Variants in DERL1 observed in about 807,000 individuals in gnomAD.
DERL1 encodes derlin-1.
Under a neutral mutation model 41.6 loss-of-function variants are expected in DERL1, and 24 were observed. That is an observed-to-expected ratio of 0.58 (90% CI 0.42 to 0.81). The LOEUF (loss-of-function observed/expected upper bound fraction) is 0.81. Among genes scored for constraint, DERL1 ranks in the 30% least tolerant of loss-of-function variants. The pLI, the probability that DERL1 is intolerant of heterozygous loss-of-function variation, is 0.00. For missense variants in DERL1, 260 were observed against 314.3 expected (o/e 0.83, Z 1.31); for synonymous variants, 124 against 112.5 (o/e 1.10, Z -0.65).
At chr8:123,019,129 T>C in intron 7 of DERL1, 66 bp downstream of exon 7, 2 of 1,085,600 alleles carry the variant, frequency 1.8e-6, no homozygotes, top group Non-Finnish European at 2.8e-6. Context: ...CTCATGGAGC[T>C]CTCATTAGGA....
intron 1 of DERL1, among the ~76,000 whole-genome samples, chr8:123,037,862 T>A (rs989540871): frequency 6.6e-6 from 1 of 152,148 alleles, no homozygotes; most frequent in South Asian, 2.1e-4. Flanking sequence ...TGAAGAAATA[T>A]AGCCATGCAG....
chr8:123,021,467 GA>G lies in DERL1; in HGVS notation c.485del (p.Phe162SerfsTer9). On this transcript the variant is annotated frameshift_variant, in exon 6 of 8. Coordinates refer to ENST00000259512, the MANE Select transcript of DERL1 (RefSeq NM_024295.6). LOFTEE classifies it high-confidence loss of function. ...CTTACGAGCCTCCGATGATATAGTT[GA>G]ATCCAAGGATAACCCAGGGTAAATA... ...ACYLPWVILG[F>X]NYIIGGSVIN... The G allele has an allele frequency of 6.2e-7, 1 of 1,613,780 alleles. No individual in the cohort carries two copies. The highest frequency in any genetic ancestry group is 8.5e-7 in the Non-Finnish European group (1 of 1,179,748).
intron 6 of DERL1, 87 bp downstream of exon 6, chr8:123,021,360 A>C: frequency 1.6e-6 from 2 of 1,247,630 alleles, no homozygotes; most frequent in Non-Finnish European, 2.3e-6. Context: ...AGATTCTTTA[A>C]AGTTGTATAA....
chr8:123,034,147 G>C (rs1812873825), intron 1 of DERL1, among the ~76,000 whole-genome samples: 1 of 152,218 alleles, frequency 6.6e-6, no homozygotes, highest in Non-Finnish European at 1.5e-5. Flanking sequence ...GGCTGGAATG[G>C]AGGACGTCAG....
chr8:123,039,387 C>T (rs568163444), intron 1 of DERL1, among the ~76,000 whole-genome samples: 2 of 152,334 alleles, frequency 1.3e-5, no homozygotes, highest in African/African-American at 2.4e-5. Flanking sequence ...TATGATCTAG[C>T]TTTAACCCAC....
At chr8:123,024,007 C>T (rs770064378) in intron 3 of DERL1, among the ~76,000 whole-genome samples, 1 of 152,118 alleles carries the variant, frequency 6.6e-6, no homozygotes, top group East Asian at 1.9e-4. Context: ...TTCCAGTGTT[C>T]TGAAGGAAAA....
chr8:123,029,298 G>A, intron 2 of DERL1, among the ~76,000 whole-genome samples: 1 of 151,870 alleles, frequency 6.6e-6, no homozygotes, highest in East Asian at 1.9e-4. Context: ...TTCATCTTTT[G>A]GTAAAACTCA....
At chr8:123,020,966 CAAAAAAA>C (rs542307362) in intron 6 of DERL1, among the ~76,000 whole-genome samples, 1 of 82,874 alleles carries the variant, frequency 1.2e-5, no homozygotes, top group South Asian at 4.1e-4. Flanking sequence ...AACTTCGTCT[CAAAAAAA>C]AAAAAAAAAA....
intron 1 of DERL1, among the ~76,000 whole-genome samples, chr8:123,038,986 C>G (rs1281373648): frequency 1.3e-5 from 2 of 152,210 alleles, no homozygotes; most frequent in Non-Finnish European, 2.9e-5. Context: ...CCCAGGTATC[C>G]CTGACCATTC....
Position 123,039,037 on chromosome 8 carries a change from C to G in DERL1, c.153+2933G>C, listed in dbSNP as rs761986290. 3.3e-5 allele frequency among the ~76,000 whole-genome samples: 5 copies of G among 152,222 alleles called. 1 individual carries two copies. Among genetic ancestry groups the G allele is most frequent in the South Asian group, 4.1e-4 (2 of 4,832 alleles). ...GGCTCCGCCATCCACTCAGCTGCTC[C>G]TGTGAAAACAGTAGTATCTTTCAGT... On this transcript the variant is annotated intron_variant, in intron 1 of 7. Transcript: ENST00000259512.
intron 1 of DERL1, among the ~76,000 whole-genome samples, chr8:123,037,085 T>C (rs565251675): frequency 6.6e-6 from 1 of 152,350 alleles, no homozygotes; most frequent in South Asian, 2.1e-4. Context: ...AATTAGAATC[T>C]TACTGTCCAG....
chr8:123,022,842 A>G (rs932126117), intron 4 of DERL1, 63 bp from the exon 5 acceptor site: 1 of 1,393,824 alleles, frequency 7.2e-7, no homozygotes, highest in East Asian at 2.3e-5. Context: ...GTGTACATCT[A>G]CTATGCTTTT....
At chr8:123,022,484 G>GTGAA (rs3830700) in intron 5 of DERL1, among the ~76,000 whole-genome samples, 200 bp downstream of exon 5, 23,042 of 152,010 alleles carry the variant, frequency 0.15, 2,099 homozygotes, top group African/African-American at 0.26. Flanking sequence ...TACAGAGGGA[G>GTGAA]TGAAGAAACA....
intron 6 of DERL1, 99 bp from the exon 7 acceptor site, chr8:123,019,404 T>C: frequency 1.2e-6 from 1 of 815,072 alleles, no homozygotes; most frequent in South Asian, 1.6e-5. Flanking sequence ...AGGCAGCCCA[T>C]TTAGTCCCTG....
intron 1 of DERL1, among the ~76,000 whole-genome samples, chr8:123,036,217 T>C (rs1384575465): frequency 1.3e-5 from 2 of 152,174 alleles, no homozygotes; most frequent in African/African-American, 4.8e-5. Flanking sequence ...CCATTCATAA[T>C]AGCCAAACTG....
intron 1 of DERL1, among the ~76,000 whole-genome samples, chr8:123,035,784 G>A (rs984948226): frequency 1.3e-5 from 2 of 151,998 alleles, no homozygotes; most frequent in African/African-American, 4.8e-5. Flanking sequence ...CAGAGTGTAG[G>A]TTGCAGCCAT....
At chr8:123,035,456 A>G (rs1812906133) in intron 1 of DERL1, among the ~76,000 whole-genome samples, 1 of 152,214 alleles carries the variant, frequency 6.6e-6, no homozygotes, top group African/African-American at 2.4e-5. Flanking sequence ...CTTTACGTTC[A>G]GTGCCAGGAG....
intron 4 of DERL1, among the ~76,000 whole-genome samples, chr8:123,023,286 G>A (rs1256246573): frequency 1.3e-5 from 2 of 152,144 alleles, no homozygotes; most frequent in African/African-American, 4.8e-5. Context: ...GGCCAGGCAC[G>A]GTGGCTCATG....
At chr8:123,031,256 A>T (rs1812810931) in intron 1 of DERL1, among the ~76,000 whole-genome samples, 1 of 152,178 alleles carries the variant, frequency 6.6e-6, no homozygotes, top group Admixed American at 6.6e-5. Context: ...GTCTAAAGTA[A>T]CAAGCAGGCC....
Sources: allele counts gnomAD v4.1 joint callset (sites outside exome capture counted in the v4.1 genomes callset), GRCh38; gene constraint gnomAD v4.1.1; transcripts MANE v1.5; gene names NCBI Gene and HGNC (gene_info 2026-07-23, HGNC 2026-07-21).